Variants in MORF4L1 observed in about 807,000 individuals in gnomAD.
The protein encoded by MORF4L1 is mortality factor 4 like 1.
A neutral mutation model predicts 52.9 loss-of-function variants in MORF4L1; 4 were observed. The observed-to-expected ratio is 0.08, with a 90% CI of 0.04 to 0.17. MORF4L1 has a LOEUF of 0.17. MORF4L1 is among the 10% of genes least tolerant of loss of function. The pLI, the probability that MORF4L1 is intolerant of heterozygous loss-of-function variation, is 1.00. For synonymous variants in MORF4L1, 123 were observed against 134.8 expected (o/e 0.91, Z 0.61); for missense variants, 214 against 390.4 (o/e 0.55, Z 3.81).
Position 78,873,076 on chromosome 15 carries a change from G to T in MORF4L1, c.40+19G>T. The T allele has an allele frequency of 6.5e-7, 1 of 1,550,346 alleles. No individual in the cohort carries two copies. The highest frequency in any genetic ancestry group is 8.7e-7 in the Non-Finnish European group (1 of 1,146,434). On this transcript the variant is annotated intron_variant, in intron 1 of 11. Transcript: ENST00000426013. ...CAGGAGGGTGAGTGTGCGCCTTTGG[G>T]AAAAAGGCACCTAACGGCGCAGGAG...
chr15:78,873,351 G>A, intron 1 of MORF4L1: 2 of 789,272 alleles, frequency 2.5e-6, no homozygotes, highest in South Asian at 2.2e-5. Context: ...GGCGCGGAGA[G>A]AGCAGCCTAT....
chr15:78,875,683 C>G (rs1003970354), intron 1 of MORF4L1, among the ~76,000 whole-genome samples: 4 of 151,508 alleles, frequency 2.6e-5, no homozygotes, highest in African/African-American at 9.7e-5. Context: ...GCTACTCGGG[C>G]GGCTGAGACA....
chr15:78,897,488 GTTTT>G lies in MORF4L1; in HGVS notation c.*427_*430del, dbSNP rs934252822. 6.6e-6 allele frequency: 1 copy of G among 152,052 alleles called. No homozygotes were observed. The highest frequency in any genetic ancestry group is 1.9e-4 in the East Asian group (1 of 5,150). The allele number at this position is 152,052 out of a possible 1,614,324, so 9.4% of individuals were successfully genotyped here. ...AACACACTCATCCATTTGTGCTTTT[GTTTT>G]TTTTTATGGTGCTTAAAGTAAAGAG... On this transcript the variant is annotated 3_prime_UTR_variant, in exon 12 of 12. Transcript: ENST00000426013.
At chr15:78,875,752 C>G (rs1415211933) in intron 1 of MORF4L1, among the ~76,000 whole-genome samples, 4 of 149,938 alleles carry the variant, frequency 2.7e-5, no homozygotes, top group Admixed American at 6.7e-5. Flanking sequence ...TGCCATCGCA[C>G]TCCAGCCTGG....
chr15:78,873,356 G>A, intron 1 of MORF4L1: 1 of 697,716 alleles, frequency 1.4e-6, no homozygotes, highest in South Asian at 2.5e-5. Flanking sequence ...GGAGAGAGCA[G>A]CCTATTGTAG....
intron 3 of MORF4L1, chr15:78,885,005 A>C (rs1440348523): frequency 6.2e-7 from 1 of 1,613,938 alleles, no homozygotes; most frequent in Non-Finnish European, 8.5e-7. Context: ...AAATCTTTGA[A>C]GACACATGAG....
chr15:78,873,136 G>A, intron 1 of MORF4L1, 79 bp downstream of exon 1: 2 of 1,539,174 alleles, frequency 1.3e-6, no homozygotes, highest in South Asian at 1.2e-5. Flanking sequence ...AGGCTTGAGG[G>A]CCGGGGGCGG....
At chr15:78,874,056 G>A (rs1435920020) in intron 1 of MORF4L1, 1 of 152,202 alleles carries the variant, frequency 6.6e-6, no homozygotes, top group African/African-American at 2.4e-5. Context: ...GGTAAGGTTA[G>A]ACTGACTCCC....
intron 2 of MORF4L1, 133 bp downstream of exon 2, chr15:78,878,392 T>C: frequency 1.6e-6 from 1 of 611,202 alleles, no homozygotes; most frequent in Non-Finnish European, 2.7e-6. Context: ...GTTAATAAAT[T>C]TCTTCATCTT....
chr15:78,893,556 C>A lies in MORF4L1; in HGVS notation c.558C>A (p.Ala186=), dbSNP rs1435163. ...CTTCATAGCTCTTTTATCTTCCTGC[C>A]AAGAAGAATGTGGATTCCATTCTTG... is the stretch of plus-strand genomic sequence containing the variant. The part of the protein sequence containing the change: ...TRQKQLFYLP[A]KKNVDSILED... Residue 186 remains alanine (A), a synonymous_variant, in exon 9 of 12, where the codon GCC becomes GCA. Coordinates refer to ENST00000426013, the MANE Select transcript of MORF4L1 (RefSeq NM_006791.4). 0.12 allele frequency: 194,843 copies of A among 1,590,072 alleles called. 13,048 individuals carry two copies. Among genetic ancestry groups the A allele is most frequent in the East Asian group, 0.26 (11,467 of 44,414 alleles).
intron 5 of MORF4L1, chr15:78,890,571 T>G (rs1301444759): frequency 6.5e-6 from 1 of 152,896 alleles, no homozygotes; most frequent in Non-Finnish European, 1.5e-5. Flanking sequence ...AGCCTTGGCC[T>G]CCTGGGCTCA....
intron 1 of MORF4L1, among the ~76,000 whole-genome samples, chr15:78,874,760 T>G (rs1330668939): frequency 7.0e-6 from 1 of 141,928 alleles, no homozygotes; most frequent in African/African-American, 2.6e-5. Context: ...TCTCTCACCT[T>G]GAGAAGCTGT....
At chr15:78,873,302 A>T (rs2056405110) in intron 1 of MORF4L1, 1 of 1,267,208 alleles carries the variant, frequency 7.9e-7, no homozygotes, top group Non-Finnish European at 1.1e-6. Context: ...GGCGCGTGGC[A>T]CACCCTCGTC....
intron 1 of MORF4L1, chr15:78,877,953 C>CTTAA (rs1260047809): frequency 3.3e-5 from 12 of 367,110 alleles, no homozygotes; most frequent in African/African-American, 2.3e-4. Context: ...CGCTTATGTG[C>CTTAA]TTAACAGGTG....
intron 3 of MORF4L1, among the ~76,000 whole-genome samples, chr15:78,885,550 A>G (rs1027089142): frequency 2.0e-5 from 3 of 152,220 alleles, no homozygotes; most frequent in African/African-American, 7.2e-5. Flanking sequence ...AATACTTTAC[A>G]AACTTAAGTT....
intron 10 of MORF4L1, 129 bp from the exon 11 acceptor site, chr15:78,894,691 A>T: frequency 1.4e-6 from 1 of 730,358 alleles, no homozygotes; most frequent in Non-Finnish European, 2.4e-6. Flanking sequence ...TACAGGCGTG[A>T]GCCACTATGC....
At chr15:78,894,745 T>A in intron 10 of MORF4L1, 75 bp from the exon 11 acceptor site, 2 of 1,117,350 alleles carry the variant, frequency 1.8e-6, no homozygotes, top group Non-Finnish European at 2.7e-6. Context: ...TGGTGTTTGC[T>A]CACATAATTA....
chr15:78,884,865 C>T, intron 3 of MORF4L1: 2 of 650,448 alleles, frequency 3.1e-6, no homozygotes, highest in Non-Finnish European at 4.9e-6. Flanking sequence ...AATTTGTTGA[C>T]ACACACTTAA....
At chr15:78,874,820 ATATTCT>A (rs767237354) in intron 1 of MORF4L1, among the ~76,000 whole-genome samples, 2 of 150,448 alleles carry the variant, frequency 1.3e-5, no homozygotes, top group Non-Finnish European at 3.0e-5. Context: ...TTTAGAGCAG[ATATTCT>A]TAATCTAGAG....
Sources: gnomAD v4.1 joint callset for allele counts (sites outside exome capture counted in the v4.1 genomes callset) on GRCh38, gnomAD v4.1.1 for gene constraint, MANE v1.5 for transcripts, NCBI Gene and HGNC (gene_info 2026-07-23, HGNC 2026-07-21) for gene names.